The following RAB38 variants were observed in gnomAD, a reference collection of about 807,000 sequenced individuals.
RAB38 encodes ras-related protein Rab-38.
RAB38 carries 15 observed loss-of-function variants against 18.4 expected under a neutral mutation model. That is an observed-to-expected ratio of 0.82 (90% CI 0.55 to 1.26). The LOEUF is 1.26. RAB38 is among the 50% of genes most tolerant of loss of function. The pLI is 0.00. For missense variants in RAB38, 294 were observed against 267.4 expected (o/e 1.10, Z -0.69); for synonymous variants, 101 against 104.4 (o/e 0.97, Z 0.20).
chr11:87,952,012 G>T, the RAB38 span, among the ~76,000 whole-genome samples: 2 of 152,292 alleles, frequency 1.3e-5, no homozygotes, highest in South Asian at 4.1e-4. Flanking sequence ...GCCATCCTTG[G>T]CTCCTCCCCT....
the RAB38 span, among the ~76,000 whole-genome samples, chr11:88,083,505 GT>G: frequency 6.6e-6 from 1 of 151,806 alleles, no homozygotes; most frequent in Non-Finnish European, 1.5e-5. Flanking sequence ...TCAATTAAAT[GT>G]GGCAAAACAT....
chr11:87,859,526 C>T, the RAB38 span, among the ~76,000 whole-genome samples: 1 of 151,958 alleles, frequency 6.6e-6, no homozygotes, highest in African/African-American at 2.4e-5. Flanking sequence ...GATGGAAGCG[C>T]AATTTGCCAA....
chr11:87,966,916 A>G, the RAB38 span, among the ~76,000 whole-genome samples: 1 of 152,204 alleles, frequency 6.6e-6, no homozygotes, highest in Non-Finnish European at 1.5e-5. Flanking sequence ...AGAGCTTCGC[A>G]TTGAACAAAT....
At chr11:87,965,692 C>A in the RAB38 span, among the ~76,000 whole-genome samples, 1 of 152,150 alleles carries the variant, frequency 6.6e-6, no homozygotes, top group Non-Finnish European at 1.5e-5. Context: ...CACATGCGAA[C>A]TACCTGAGCA....
chr11:87,950,795 C>G, the RAB38 span, among the ~76,000 whole-genome samples: 1 of 152,198 alleles, frequency 6.6e-6, no homozygotes, highest in Non-Finnish European at 1.5e-5. Flanking sequence ...GTAACCCGAC[C>G]TTTCTCTCTG....
intron 1 of RAB38, 140 bp downstream of exon 1, chr11:88,175,043 A>G: frequency 1.8e-6 from 2 of 1,086,518 alleles, no homozygotes; most frequent in Non-Finnish European, 2.6e-6. Context: ...TTTCTTTGAA[A>G]CTAAGTTTCC....
At chr11:88,009,373 A>C in the RAB38 span, among the ~76,000 whole-genome samples, 2 of 152,162 alleles carry the variant, frequency 1.3e-5, no homozygotes, top group Non-Finnish European at 2.9e-5. Flanking sequence ...CATGAAGGAA[A>C]ACATAAGCTG....
the RAB38 span, among the ~76,000 whole-genome samples, chr11:88,032,388 A>G: frequency 6.6e-6 from 1 of 152,254 alleles, no homozygotes; most frequent in Non-Finnish European, 1.5e-5. Flanking sequence ...ATGGGATCTA[A>G]TTAAACTTAA....
At chr11:87,922,626 A>G in the RAB38 span, among the ~76,000 whole-genome samples, 5 of 151,986 alleles carry the variant, frequency 3.3e-5, no homozygotes, top group Non-Finnish European at 7.4e-5. Context: ...TAAAGGAGCC[A>G]AATTATTTTT....
the RAB38 span, among the ~76,000 whole-genome samples, chr11:87,809,635 C>T: frequency 6.6e-6 from 1 of 151,896 alleles, no homozygotes; most frequent in Non-Finnish European, 1.5e-5. Flanking sequence ...GACAGTAGTT[C>T]TATTTTTAAA....
chr11:88,102,198 A>G, the RAB38 span, among the ~76,000 whole-genome samples: 1 of 152,134 alleles, frequency 6.6e-6, no homozygotes. Flanking sequence ...TACTCAGGAT[A>G]CATGCCAGGT....
At chr11:87,937,878 T>C in the RAB38 span, among the ~76,000 whole-genome samples, 1 of 151,046 alleles carries the variant, frequency 6.6e-6, no homozygotes. Flanking sequence ...GTGTTTTTTT[T>C]TTTTTTTTTT....
chr11:88,160,548 C>T (rs759487120), intron 1 of RAB38, among the ~76,000 whole-genome samples: 1 of 152,086 alleles, frequency 6.6e-6, no homozygotes, highest in Admixed American at 6.6e-5. Flanking sequence ...CATTGCAATA[C>T]TACTGACAAT....
At chr11:88,003,709 AT>A in the RAB38 span, among the ~76,000 whole-genome samples, 62 of 4,854 alleles carry the variant, frequency 0.013, 11 homozygotes, top group African/African-American at 0.11. Context: ...TATATTGTAT[AT>A]ATTATATATA....
At chr11:87,823,780 T>C in the RAB38 span, among the ~76,000 whole-genome samples, 1 of 152,046 alleles carries the variant, frequency 6.6e-6, no homozygotes, top group Admixed American at 6.6e-5. Context: ...AAATAAAATA[T>C]GATATGTTCA....
the RAB38 span, among the ~76,000 whole-genome samples, chr11:88,019,460 A>G: frequency 6.6e-6 from 1 of 152,318 alleles, no homozygotes; most frequent in East Asian, 1.9e-4. Flanking sequence ...TGCAACTTGC[A>G]ATAGCCTTCT....
chr11:87,955,403 C>T, the RAB38 span, among the ~76,000 whole-genome samples: 2 of 152,096 alleles, frequency 1.3e-5, no homozygotes, highest in Non-Finnish European at 2.9e-5. Flanking sequence ...CTGTTAGGTA[C>T]CATGCTCACT....
At chr11:88,153,328 T>C (rs1356052474) in intron 1 of RAB38, among the ~76,000 whole-genome samples, 1 of 152,214 alleles carries the variant, frequency 6.6e-6, no homozygotes, top group African/African-American at 2.4e-5. Flanking sequence ...TAGACTCAGC[T>C]AAAAATACAC....
intron 1 of RAB38, among the ~76,000 whole-genome samples, chr11:88,163,823 A>G: frequency 6.6e-6 from 1 of 152,142 alleles, no homozygotes; most frequent in East Asian, 1.9e-4. Flanking sequence ...GTACTAATAC[A>G]GTAGCCCAAC....
Sources: gnomAD v4.1 joint callset for allele counts (sites outside exome capture counted in the v4.1 genomes callset) on GRCh38, gnomAD v4.1.1 for gene constraint, MANE v1.5 for transcripts, NCBI Gene and HGNC (gene_info 2026-07-23, HGNC 2026-07-21) for gene names.